The following LGR5 variants were observed in gnomAD, a reference collection of about 807,000 sequenced individuals.
LGR5 encodes the protein leucine-rich repeat-containing G protein-coupled receptor 5.
A neutral mutation model predicts 76.7 loss-of-function variants in LGR5; 54 were observed. The ratio of observed to expected loss-of-function variants is 0.70; its 90% CI spans 0.57 to 0.88. The LOEUF (loss-of-function observed/expected upper bound fraction) is 0.88, where lower values mean the gene tolerates loss of function less well. LGR5 is among the 40% of genes least tolerant of loss of function. LGR5 has a pLI of 0.00. For missense variants in LGR5, 1,078 were observed against 1,073.3 expected, an observed-to-expected ratio of 1.00 and a Z score of -0.06; for synonymous variants, 406 against 421.9, an observed-to-expected ratio of 0.96 and a Z score of 0.46.
At chr12:71,558,890 A>T (rs1022681895) in intron 6 of LGR5, among the ~76,000 whole-genome samples, 1 of 152,192 alleles carries the variant, frequency 6.6e-6, no homozygotes, top group African/African-American at 2.4e-5. Flanking sequence ...TACAGAAACT[A>T]ATGATTTGAG....
chr12:71,561,398 A>G (rs1018286056), intron 7 of LGR5, among the ~76,000 whole-genome samples: 2 of 152,130 alleles, frequency 1.3e-5, no homozygotes, highest in African/African-American at 2.4e-5. Context: ...GCTTAAGTCA[A>G]TTTTCTCTTC....
At chr12:71,546,381 A>G (rs1309049703) in intron 4 of LGR5, among the ~76,000 whole-genome samples, 2 of 151,974 alleles carry the variant, frequency 1.3e-5, no homozygotes, top group African/African-American at 4.8e-5. Flanking sequence ...CATAGAACAC[A>G]TTGATATGAC....
At chr12:71,565,237 T>C (rs755051201) in intron 8 of LGR5, among the ~76,000 whole-genome samples, 7 of 151,824 alleles carry the variant, frequency 4.6e-5, no homozygotes, top group Non-Finnish European at 8.8e-5. Context: ...ATGCATTAGC[T>C]CTTTTAATTC....
intron 13 of LGR5, among the ~76,000 whole-genome samples, chr12:71,576,554 G>T (rs944911296): frequency 3.3e-5 from 5 of 152,156 alleles, no homozygotes; most frequent in Non-Finnish European, 7.3e-5. Context: ...GAGCTCTGGG[G>T]ATGCAGCCTG....
At chr12:71,537,004 C>G (rs982760078) in intron 4 of LGR5, among the ~76,000 whole-genome samples, 1 of 152,118 alleles carries the variant, frequency 6.6e-6, no homozygotes, top group Non-Finnish European at 1.5e-5. Flanking sequence ...TAGATAGATA[C>G]TCGGCCCCCA....
intron 2 of LGR5, among the ~76,000 whole-genome samples, chr12:71,519,069 C>T (rs1162505890): frequency 6.6e-6 from 1 of 152,138 alleles, no homozygotes; most frequent in Non-Finnish European, 1.5e-5. Flanking sequence ...ATCTGAAGTC[C>T]TTCCAAAGAC....
chr12:71,440,387 T>C lies in LGR5; in HGVS notation c.212+95T>C. ...TGGAGGCTCCTCGGCGCCCGCCTGC[T>C]CGTGGGGGAGGGGGGCGAGTTTGTC... On this transcript the variant is annotated intron_variant, in intron 1 of 17. Transcript: ENST00000266674. This position sits in a 1 kb window ranked among gnomAD's most constrained non-coding sequence, Gnocchi z 5.3. 8.1e-7 allele frequency: 1 copy of C among 1,232,192 alleles called. No individual in the cohort carries two copies. Among genetic ancestry groups the C allele is most frequent in the Non-Finnish European group, 1.2e-6 (1 of 862,760 alleles). The allele number at this position is 1,232,192 out of a possible 1,614,324, so 76.3% of individuals were successfully genotyped here.
intron 1 of LGR5, among the ~76,000 whole-genome samples, chr12:71,471,274 A>T (rs1873091804): frequency 6.6e-6 from 1 of 152,192 alleles, no homozygotes; most frequent in African/African-American, 2.4e-5. Context: ...GAATGGATAA[A>T]TACAGTGTGG....
In LGR5 at chr12:71,582,528, C is replaced by A; in HGVS notation, c.1625C>A (p.Ser542Ter). Residue 542 changes from serine (S) to a stop codon, truncating the protein, a stop_gained, in exon 17 of 18, where the codon TCA becomes TAA. Coordinates refer to ENST00000266674, the MANE Select transcript of LGR5 (RefSeq NM_003667.4). LOFTEE classifies it low-confidence loss of function (END_TRUNC). ...DLKALHSVQC[S>*]PSPGPFKPCE... ...AAAGCCCTTCATTCAGTGCAGTGTT[C>A]ACCTTCCCCAGGTGAGAAAGGCATC... is the stretch of plus-strand genomic sequence containing the variant. 6.2e-7 allele frequency: 1 copy of A among 1,613,280 alleles called. No individual in the cohort carries two copies. Among genetic ancestry groups the A allele is most frequent in the South Asian group, 1.1e-5 (1 of 91,052 alleles).
At chr12:71,554,571 CTG>C (rs1877664042) in intron 5 of LGR5, among the ~76,000 whole-genome samples, 1 of 152,168 alleles carries the variant, frequency 6.6e-6, no homozygotes, top group South Asian at 2.1e-4. Flanking sequence ...CAGAAAAAGA[CTG>C]TTATCATTTT....
At chr12:71,552,076 G>T (rs1345537156) in intron 4 of LGR5, among the ~76,000 whole-genome samples, 7 of 151,646 alleles carry the variant, frequency 4.6e-5, no homozygotes, top group African/African-American at 1.7e-4. Flanking sequence ...ATACATGGGG[G>T]CCTGTCGGCA....
rs925618548 is a variant in LGR5, at chr12:71,580,429, A to G, written c.1552+6A>G. On this transcript the variant is annotated splice_donor_region_variant and intron_variant, in intron 16 of 17. Coordinates refer to ENST00000266674, the MANE Select transcript of LGR5 (RefSeq NM_003667.4). ...TGGAATGTTTCAGGCTCAAGGTAGG[A>G]CTTGCTATGCCATGGTAATGAAATT... is the stretch of plus-strand genomic sequence containing the variant. The G allele has an allele frequency of 1.9e-6, 3 of 1,610,592 alleles. No individual in the cohort carries two copies. The highest frequency in any genetic ancestry group is 1.6e-4 in the Middle Eastern group (1 of 6,064).
At chr12:71,443,620 A>C (rs1871859529) in intron 1 of LGR5, among the ~76,000 whole-genome samples, 1 of 152,216 alleles carries the variant, frequency 6.6e-6, no homozygotes, top group African/African-American at 2.4e-5. Context: ...ATCTAATCTT[A>C]GTATAGGTAA....
chr12:71,567,270 C>T, intron 11 of LGR5: 2 of 211,326 alleles, frequency 9.5e-6, no homozygotes, highest in South Asian at 9.6e-5. Context: ...ATATGGATGC[C>T]AAAATCAAAA....
At chr12:71,561,746 C>A in intron 7 of LGR5, 35 bp from the exon 8 acceptor site, 2 of 1,357,476 alleles carry the variant, frequency 1.5e-6, no homozygotes, top group Non-Finnish European at 2.1e-6. Flanking sequence ...TTTTACCCCA[C>A]ACAGGATTTT....
intron 2 of LGR5, among the ~76,000 whole-genome samples, chr12:71,508,523 A>G (rs1874973962): frequency 6.6e-6 from 1 of 152,158 alleles, no homozygotes; most frequent in Non-Finnish European, 1.5e-5. Flanking sequence ...TGGGAGGCCA[A>G]GGTGGGTGGA....
upstream of LGR5, chr12:71,439,767 T>C: frequency 3.0e-6 from 1 of 334,204 alleles, no homozygotes; most frequent in Non-Finnish European, 5.5e-6. Flanking sequence ...GCTGGAGCGC[T>C]TTAAAAAACG....
intron 6 of LGR5, among the ~76,000 whole-genome samples, chr12:71,557,525 A>G (rs1365209526): frequency 6.6e-6 from 1 of 152,176 alleles, no homozygotes; most frequent in African/African-American, 2.4e-5. Context: ...CATGTTTACT[A>G]CTACATACTA....
intron 8 of LGR5, among the ~76,000 whole-genome samples, chr12:71,564,767 T>G (rs1313347266): frequency 6.8e-6 from 1 of 146,908 alleles, no homozygotes; most frequent in Non-Finnish European, 1.5e-5. Flanking sequence ...TATACATATA[T>G]GTACACACTG....
Sources: allele counts gnomAD v4.1 joint callset (sites outside exome capture counted in the v4.1 genomes callset), GRCh38; gene constraint gnomAD v4.1.1; non-coding constraint Gnocchi (gnomAD v3.1); transcripts MANE v1.5; gene names NCBI Gene and HGNC (gene_info 2026-07-23, HGNC 2026-07-21).